Variants in MROH2B observed in about 807,000 individuals in gnomAD.
MROH2B encodes the protein maestro heat like repeat family member 2B.
Under a neutral mutation model 208.6 loss-of-function variants are expected in MROH2B, and 177 were observed. That is an observed-to-expected ratio of 0.85 (90% confidence interval 0.75 to 0.96). The LOEUF (loss-of-function observed/expected upper bound fraction) is 0.96, where lower values mean the gene tolerates loss of function less well. Among genes scored for constraint, MROH2B ranks in the 40% least tolerant of loss-of-function variants. The pLI, the probability that MROH2B is intolerant of heterozygous loss-of-function variation, is 0.00. For synonymous variants in MROH2B, 728 were observed against 659.0 expected, an observed-to-expected ratio of 1.10 and a Z score of -1.60; for missense variants, 2,002 against 1,878.7, an observed-to-expected ratio of 1.07 and a Z score of -1.21.
chr5:41,008,466 G>A, intron 33 of MROH2B, 140 bp downstream of exon 33: 1 of 886,896 alleles, frequency 1.1e-6, no homozygotes, highest in South Asian at 2.0e-5. Context: ...GGCTTAGGGA[G>A]AGTAGAGCCT....
intron 22 of MROH2B, 45 bp downstream of exon 22, chr5:41,033,793 C>T: frequency 1.1e-6 from 1 of 950,526 alleles, no homozygotes; most frequent in Non-Finnish European, 1.6e-6. Context: ...ATCTATCTAT[C>T]TATCTATCTA....
At chr5:41,045,596 C>T in intron 18 of MROH2B, 150 bp downstream of exon 18, 1 of 606,630 alleles carries the variant, frequency 1.6e-6, no homozygotes, top group Non-Finnish European at 2.9e-6. Context: ...TCATATTCAA[C>T]TTTCAGCTAG....
intron 10 of MROH2B, among the ~76,000 whole-genome samples, chr5:41,055,309 T>C (rs1743411722): frequency 6.6e-6 from 1 of 152,244 alleles, no homozygotes; most frequent in Admixed American, 6.5e-5. Flanking sequence ...AATTAAAGAT[T>C]CATTCAATTG....
chr5:41,054,694 T>A (rs1283555526), intron 11 of MROH2B, 73 bp downstream of exon 11: 2 of 1,185,506 alleles, frequency 1.7e-6, no homozygotes, highest in Non-Finnish European at 2.4e-6. Flanking sequence ...CATAAGTAGA[T>A]CCTTAAAGAA....
chr5:41,021,559 C>G (rs1742148327), intron 24 of MROH2B, among the ~76,000 whole-genome samples: 1 of 152,080 alleles, frequency 6.6e-6, no homozygotes, highest in African/African-American at 2.4e-5. Flanking sequence ...GCACAGTAAT[C>G]AAAATAGTAT....
intron 33 of MROH2B, among the ~76,000 whole-genome samples, chr5:41,008,299 G>T (rs1269800338): frequency 6.6e-6 from 1 of 152,038 alleles, no homozygotes; most frequent in Admixed American, 6.6e-5. Context: ...TGGCCTTGAA[G>T]ATCACAAGAT....
At chr5:41,041,578 C>T (rs1158025711) in intron 19 of MROH2B, among the ~76,000 whole-genome samples, 4 of 152,212 alleles carry the variant, frequency 2.6e-5, no homozygotes, top group East Asian at 1.9e-4. Context: ...GAACCAAGAT[C>T]GTGTCACTGC....
intron 24 of MROH2B, among the ~76,000 whole-genome samples, chr5:41,026,018 G>C (rs1336249533): frequency 1.3e-5 from 2 of 152,076 alleles, no homozygotes; most frequent in East Asian, 3.9e-4. Flanking sequence ...AATAAACTAG[G>C]TATTGATGGG....
intron 9 of MROH2B, among the ~76,000 whole-genome samples, chr5:41,056,091 TA>T (rs1202787649): frequency 6.6e-6 from 1 of 152,188 alleles, no homozygotes; most frequent in Non-Finnish European, 1.5e-5. Flanking sequence ...TGGCCTTATT[TA>T]AAAATGAGGG....
In MROH2B at chr5:41,057,479, C is replaced by T. The variant is rs1039076231; in HGVS notation, c.757-119G>A. On this transcript the variant is annotated intron_variant, in intron 7 of 41. Coordinates refer to ENST00000399564, the MANE Select transcript of MROH2B (RefSeq NM_173489.5). ...CAAGCTTCTCATCTTCCTGCAGTTA[C>T]AAGTTTTCTTGAATGATTCTGGCCC... The T allele has an allele frequency of 5.6e-6, 4 of 717,202 alleles. 1 individual carries two copies. In the Middle Eastern group the frequency reaches 1.2e-3, roughly 220 times the overall value. 44.4% of individuals were successfully genotyped at this position (717,202 alleles called of 1,614,324 possible). A position where few individuals can be genotyped will look rare whatever the true frequency, so the allele number is the denominator to read the frequency against.
Position 41,050,983 on chromosome 5 carries a change from C to T in MROH2B, c.1338G>A (p.Met446Ile). The T allele has an allele frequency of 6.4e-7, 1 of 1,567,586 alleles. No homozygotes were observed. The highest frequency in any genetic ancestry group is 8.6e-7 in the Non-Finnish European group (1 of 1,160,154). Residue 446 changes from methionine to isoleucine, a missense_variant, in exon 13 of 42, where the codon ATG becomes ATA. Transcript: ENST00000399564. Reference sequence around the variant, plus strand: ...GTGACAAAAGACCACTTACCTGAGGCATTCCAATGACCAGTGGGTCCAGGG... The same window carrying T: ...GTGACAAAAGACCACTTACCTGAGGTATTCCAATGACCAGTGGGTCCAGGG... ...LKTLDPLVIG[M>I]PQVLWPRILT...
At chr5:41,009,837 T>C in intron 31 of MROH2B, 85 bp downstream of exon 31, 1 of 1,351,094 alleles carries the variant, frequency 7.4e-7, no homozygotes, top group Non-Finnish European at 1.0e-6. Flanking sequence ...TTGTTTGCTA[T>C]CTTGCTCTCA....
At position 41,057,563 on chromosome 5, in the gene MROH2B, C is replaced by CTTT. The variant is rs776904759; in HGVS notation, c.757-206_757-204dup. Among the ~76,000 whole-genome samples the CTTT allele has an allele frequency of 6.1e-4, 45 of 73,234 alleles. 8 individuals are homozygous for CTTT. Among genetic ancestry groups the CTTT allele is most frequent in the South Asian group, 1.5e-3 (2 of 1,376 alleles). The allele number at this position is 73,234 out of a possible 152,430, so 48.0% of individuals were successfully genotyped here. A position where few individuals can be genotyped will look rare whatever the true frequency, so the allele number is the denominator to read the frequency against. ...ATGAATGAATGAACGAATATCCCTC[C>CTTT]TTTTTTTTTTTGAGACGGAGTCTTG... On this transcript the variant is annotated intron_variant, in intron 7 of 41. Coordinates refer to ENST00000399564, the MANE Select transcript of MROH2B (RefSeq NM_173489.5).
At chr5:41,034,085 T>C (rs980820813) in intron 21 of MROH2B, 2 of 984,594 alleles carry the variant, frequency 2.0e-6, no homozygotes, top group Non-Finnish European at 2.4e-6. Flanking sequence ...AGGTAAGTCA[T>C]GAGTAAGCTG....
At chr5:41,008,374 AG>A (rs1347017977) in intron 33 of MROH2B, among the ~76,000 whole-genome samples, 1 of 152,264 alleles carries the variant, frequency 6.6e-6, no homozygotes, top group African/African-American at 2.4e-5. Context: ...CCTCTAGGAA[AG>A]AAAGCATAGC....
At chr5:41,007,603 C>T in intron 33 of MROH2B, 149 bp from the exon 34 acceptor site, 1 of 712,478 alleles carries the variant, frequency 1.4e-6, no homozygotes, top group Non-Finnish European at 2.0e-6. Flanking sequence ...CCTATGCTCA[C>T]ATTTTAGCCT....
intron 32 of MROH2B, 75 bp downstream of exon 32, chr5:41,009,205 C>T (rs1741695880): frequency 1.3e-6 from 2 of 1,570,644 alleles, no homozygotes; most frequent in African/African-American, 2.7e-5. Context: ...GTGACAGCAC[C>T]AAGCTCCAGG....
chr5:41,028,181 G>GTA (rs1742445420), intron 24 of MROH2B, among the ~76,000 whole-genome samples: 2 of 152,116 alleles, frequency 1.3e-5, no homozygotes, highest in Admixed American at 1.3e-4. Context: ...AGATCTTAAA[G>GTA]TATATATAAA....
intron 41 of MROH2B, 64 bp from the exon 42 acceptor site, chr5:40,998,222 C>A (rs1316669567): frequency 2.1e-6 from 3 of 1,398,146 alleles, no homozygotes; most frequent in Middle Eastern, 2.2e-4. Flanking sequence ...GAAGGGCAAA[C>A]CAAGCCAAGG....
Sources: gnomAD v4.1 joint callset for allele counts (sites outside exome capture counted in the v4.1 genomes callset) on GRCh38, gnomAD v4.1.1 for gene constraint, MANE v1.5 for transcripts, NCBI Gene and HGNC (gene_info 2026-07-23, HGNC 2026-07-21) for gene names.